The following NELL1 variants were observed in gnomAD, a reference collection of about 807,000 sequenced individuals.
NELL1 encodes the protein protein kinase C-binding protein NELL1.
Under a neutral mutation model 107.4 loss-of-function variants are expected in NELL1, and 76 were observed. The observed-to-expected ratio is 0.71, with a 90% CI of 0.59 to 0.86. NELL1 has a LOEUF of 0.86. NELL1 is among the 40% of genes least tolerant of loss of function. NELL1 has a pLI of 0.00. For synonymous variants in NELL1, 353 were observed against 341.2 expected (o/e 1.03, Z -0.38); for missense variants, 1,024 against 1,005.5 (o/e 1.02, Z -0.25).
At chr11:21,569,936 T>A (rs980093564) in intron 17 of NELL1, among the ~76,000 whole-genome samples, 8 of 151,832 alleles carry the variant, frequency 5.3e-5, no homozygotes. Flanking sequence ...TGAATGGTGA[T>A]GACAGACAGG....
chr11:20,996,125 A>G (rs1329876371), intron 12 of NELL1, among the ~76,000 whole-genome samples: 1 of 152,220 alleles, frequency 6.6e-6, no homozygotes, highest in Non-Finnish European at 1.5e-5. Context: ...TTCTTAATAA[A>G]AGGAGGACCT....
intron 13 of NELL1, among the ~76,000 whole-genome samples, chr11:21,224,584 A>G (rs746248672): frequency 3.3e-5 from 5 of 152,112 alleles, no homozygotes; most frequent in Non-Finnish European, 7.4e-5. Context: ...TAGAACTTCC[A>G]AAATTCACAT....
intron 15 of NELL1, among the ~76,000 whole-genome samples, chr11:21,397,800 C>A (rs550752177): frequency 6.6e-6 from 1 of 151,532 alleles, no homozygotes; most frequent in South Asian, 2.1e-4. Flanking sequence ...ATGATTAGTG[C>A]CTTTCTAAAA....
At chr11:20,910,142 C>G (rs535974851) in intron 5 of NELL1, among the ~76,000 whole-genome samples, 3 of 152,202 alleles carry the variant, frequency 2.0e-5, no homozygotes, top group Non-Finnish European at 4.4e-5. Context: ...TAACTCCTGG[C>G]TGGGGCAATG....
intron 15 of NELL1, among the ~76,000 whole-genome samples, chr11:21,438,205 T>C (rs1853180980): frequency 6.6e-6 from 1 of 152,170 alleles, no homozygotes; most frequent in African/African-American, 2.4e-5. Context: ...TGGAATAGAG[T>C]TTATTTTTCA....
chr11:21,298,472 G>A (rs1419184153), intron 14 of NELL1, among the ~76,000 whole-genome samples: 3 of 151,914 alleles, frequency 2.0e-5, no homozygotes, highest in African/African-American at 2.4e-5. Flanking sequence ...CTCTGACACC[G>A]TTTTGATCTC....
At chr11:21,078,782 C>G (rs750668554) in intron 12 of NELL1, among the ~76,000 whole-genome samples, 1 of 151,996 alleles carries the variant, frequency 6.6e-6, no homozygotes, top group Non-Finnish European at 1.5e-5. Context: ...AAAGTAAATT[C>G]TAGTAGAATT....
At chr11:20,895,499 T>A (rs1185416176) in intron 5 of NELL1, among the ~76,000 whole-genome samples, 1 of 107,148 alleles carries the variant, frequency 9.3e-6, no homozygotes, top group Admixed American at 1.1e-4. Flanking sequence ...ACATGTGATA[T>A]TTGCCTTTTT....
chr11:21,332,382 G>A (rs1850291392), intron 14 of NELL1, among the ~76,000 whole-genome samples: 1 of 151,832 alleles, frequency 6.6e-6, no homozygotes, highest in African/African-American at 2.4e-5. Flanking sequence ...AGAGTACTGT[G>A]CCCTGTTTAG....
chr11:21,341,976 C>G (rs547260135), intron 14 of NELL1, among the ~76,000 whole-genome samples: 2 of 152,262 alleles, frequency 1.3e-5, no homozygotes, highest in South Asian at 4.1e-4. Context: ...TATGGATTGA[C>G]TCAAACTCTC....
At chr11:21,194,871 A>G (rs747586488) in intron 13 of NELL1, among the ~76,000 whole-genome samples, 2 of 152,166 alleles carry the variant, frequency 1.3e-5, no homozygotes, top group African/African-American at 2.4e-5. Flanking sequence ...GAACTAGGGC[A>G]TACACCAACC....
Position 20,722,808 on chromosome 11 carries a change from C to A in NELL1, c.184+44748C>A, listed in dbSNP as rs542141560. Among the ~76,000 whole-genome samples, 8 of 152,248 alleles carry A rather than the reference C, an allele frequency of 5.3e-5. No individual in the cohort carries two copies. The South Asian group carries it at 1.5e-3, about 28-fold the overall frequency. On this transcript the variant is annotated intron_variant, in intron 2 of 19. Transcript: ENST00000357134. The stretch of plus-strand genomic sequence containing the variant: ...TTGATTACTCAGTCTCTGTATCAGT[C>A]TATTCTCACACTGCTATAAAGATAC...
chr11:21,347,391 T>C (rs767504758), intron 14 of NELL1, among the ~76,000 whole-genome samples: 22 of 151,958 alleles, frequency 1.4e-4, no homozygotes, highest in Non-Finnish European at 2.9e-4. Flanking sequence ...TCACCTGAGG[T>C]CGGGAGTTTG....
chr11:21,337,599 A>G (rs1244793177), intron 14 of NELL1, among the ~76,000 whole-genome samples: 2 of 152,220 alleles, frequency 1.3e-5, no homozygotes, highest in Non-Finnish European at 2.9e-5. Flanking sequence ...GGCCAGCTAC[A>G]AGGGAAACTG....
intron 12 of NELL1, among the ~76,000 whole-genome samples, chr11:21,043,111 T>TG (rs2134335182): frequency 6.6e-6 from 1 of 152,184 alleles, no homozygotes; most frequent in Admixed American, 6.5e-5. Context: ...CAACTGAAGA[T>TG]GGATGCAAGA....
intron 2 of NELL1, among the ~76,000 whole-genome samples, chr11:20,739,064 G>A (rs1483601572): frequency 1.3e-5 from 2 of 152,190 alleles, no homozygotes; most frequent in African/African-American, 2.4e-5. Flanking sequence ...AAAAATTCAG[G>A]TCCTTATTTG....
chr11:21,110,799 CTG>C (rs1855088525), intron 12 of NELL1, among the ~76,000 whole-genome samples: 1 of 152,152 alleles, frequency 6.6e-6, no homozygotes, highest in East Asian at 1.9e-4. Context: ...TCAGCGTACT[CTG>C]CTCCAATCAA....
intron 2 of NELL1, among the ~76,000 whole-genome samples, chr11:20,715,791 A>G (rs577176104): frequency 6.6e-6 from 1 of 152,354 alleles, no homozygotes; most frequent in African/African-American, 2.4e-5. Flanking sequence ...GTCTGCTTAA[A>G]GAGAATCTGC....
chr11:20,940,921 CT>C (rs1374469625), intron 10 of NELL1, among the ~76,000 whole-genome samples: 1 of 152,112 alleles, frequency 6.6e-6, no homozygotes, highest in Non-Finnish European at 1.5e-5. Context: ...GGCAGATCAT[CT>C]GAGGTCAGGA....
Sources: gnomAD v4.1 joint callset for allele counts (sites outside exome capture counted in the v4.1 genomes callset) on GRCh38, gnomAD v4.1.1 for gene constraint, MANE v1.5 for transcripts, NCBI Gene and HGNC (gene_info 2026-07-23, HGNC 2026-07-21) for gene names.